The following CPNE5 variants were observed in gnomAD, a reference collection of about 807,000 sequenced individuals.
The protein encoded by CPNE5 is copine-5.
Under a neutral mutation model 81.1 loss-of-function variants are expected in CPNE5, and 42 were observed. The observed-to-expected ratio is 0.52, with a 90% CI of 0.40 to 0.67. CPNE5 has a LOEUF of 0.67. CPNE5 is among the 30% of genes least tolerant of loss of function. The probability of loss-of-function intolerance (pLI) is 0.00; values close to 1 mark genes in which losing one functional copy is unlikely to be tolerated. For synonymous variants in CPNE5, 313 were observed against 321.5 expected, an observed-to-expected ratio of 0.97 and a Z score of 0.28; for missense variants, 612 against 815.5, an observed-to-expected ratio of 0.75 and a Z score of 3.04.
intron 1 of CPNE5, among the ~76,000 whole-genome samples, chr6:36,835,349 C>T (rs989302772): frequency 6.6e-6 from 1 of 152,200 alleles, no homozygotes; most frequent in African/African-American, 2.4e-5. Context: ...GGATGGCTCA[C>T]ACAGTCAGGA....
intron 14 of CPNE5, 36 bp from the exon 15 acceptor site, chr6:36,748,303 G>A (rs368070867): frequency 2.6e-5 from 42 of 1,602,014 alleles, no homozygotes; most frequent in Non-Finnish European, 2.9e-5. Flanking sequence ...GTCACCTGGA[G>A]GGAGGCAGGG....
chr6:36,775,149 C>T, intron 9 of CPNE5, 84 bp from the exon 10 acceptor site: 2 of 975,070 alleles, frequency 2.1e-6, no homozygotes, highest in Admixed American at 3.8e-5. Context: ...TCAGCTGGTT[C>T]ACATCTCTGG....
intron 8 of CPNE5, among the ~76,000 whole-genome samples, chr6:36,786,260 G>A (rs1326328656): frequency 6.6e-6 from 1 of 152,118 alleles, no homozygotes; most frequent in Non-Finnish European, 1.5e-5. Context: ...TGGGCTCACG[G>A]GATAGGATGG....
intron 3 of CPNE5, among the ~76,000 whole-genome samples, chr6:36,818,089 C>G (rs563977877): frequency 6.6e-6 from 1 of 152,136 alleles, no homozygotes; most frequent in African/African-American, 2.4e-5. Context: ...GTCCTGCCCC[C>G]GTCTGTAGGA....
At chr6:36,837,541 C>T (rs924121213) in intron 1 of CPNE5, among the ~76,000 whole-genome samples, 2 of 152,298 alleles carry the variant, frequency 1.3e-5, no homozygotes, top group East Asian at 3.9e-4. Context: ...ACACCTGAGA[C>T]GTCTCAAGAG....
intron 3 of CPNE5, among the ~76,000 whole-genome samples, chr6:36,817,541 T>C (rs1344201244): frequency 6.6e-6 from 1 of 152,248 alleles, no homozygotes; most frequent in African/African-American, 2.4e-5. Flanking sequence ...ATGAACTCCC[T>C]GTATTGACTC....
intron 8 of CPNE5, 141 bp downstream of exon 8, chr6:36,791,892 T>G (rs1259855384): frequency 2.7e-6 from 2 of 737,840 alleles, no homozygotes; most frequent in Non-Finnish European, 4.8e-6. Flanking sequence ...CTAGCTCTGA[T>G]GTTGCAAAAT....
In CPNE5 at chr6:36,746,291, C is replaced by G; in HGVS notation, c.1200+105G>C. On this transcript the variant is annotated intron_variant, in intron 16 of 20. Coordinates refer to ENST00000244751, the MANE Select transcript of CPNE5 (RefSeq NM_020939.2). This position sits in a 1 kb window ranked among gnomAD's most constrained non-coding sequence, Gnocchi z 4.5. ...GCAGTCTACCTCCACTGAGGCTGAGCCTTAAGTCCCCGGGCTCAGAGGAAG... is the reference window on the plus strand; with the variant it reads ...GCAGTCTACCTCCACTGAGGCTGAGGCTTAAGTCCCCGGGCTCAGAGGAAG... 6.8e-7 allele frequency: 1 copy of G among 1,474,768 alleles called. No homozygotes were observed. Among genetic ancestry groups the G allele is most frequent in the Non-Finnish European group, 9.0e-7 (1 of 1,112,698 alleles). 91.4% of individuals were successfully genotyped at this position (1,474,768 alleles called of 1,614,324 possible). A position where few individuals can be genotyped will look rare whatever the true frequency, so the allele number is the denominator to read the frequency against.
rs141494086 is a variant in CPNE5, at chr6:36,756,743, G to C, written c.856-445C>G. 2.1e-3 allele frequency among the ~76,000 whole-genome samples: 324 copies of C among 152,198 alleles called. 2 individuals carry two copies. The highest frequency in any genetic ancestry group is 7.3e-3 in the African/African-American group (303 of 41,524). The stretch of plus-strand genomic sequence containing the variant: ...TCCTCCTTTGGGACCCAGCCCAAGG[G>C]CTGCCCAGGGCCTCTGAGGCTCCCC... On this transcript the variant is annotated intron_variant, in intron 12 of 20. Coordinates refer to ENST00000244751, the MANE Select transcript of CPNE5 (RefSeq NM_020939.2).
At chr6:36,803,382 A>G (rs557969008) in intron 3 of CPNE5, among the ~76,000 whole-genome samples, 35 of 151,844 alleles carry the variant, frequency 2.3e-4, no homozygotes, top group Non-Finnish European at 2.9e-5. Context: ...GGCTGCACTT[A>G]CTCTGCGGCC....
In CPNE5 at chr6:36,762,039, C is replaced by T. The variant is rs545083172; in HGVS notation, c.855+878G>A. Among the ~76,000 whole-genome samples the T allele has an allele frequency of 6.6e-5, 10 of 152,080 alleles. 1 individual carries two copies. In the East Asian group the frequency reaches 1.9e-3, roughly 29 times the overall value. ...GGCCAAGGCAGGAGGATCGCTTGAG[C>T]CCAGGAGCTCAAGACCAGCCTGGGA... is the stretch of plus-strand genomic sequence containing the variant. On this transcript the variant is annotated intron_variant, in intron 12 of 20. Coordinates refer to ENST00000244751, the MANE Select transcript of CPNE5 (RefSeq NM_020939.2).
chr6:36,792,444 C>G, intron 7 of CPNE5: 1 of 1,338,700 alleles, frequency 7.5e-7, no homozygotes, highest in Middle Eastern at 2.0e-4. Context: ...CCAAAGACCA[C>G]TTCTGTGGGC....
chr6:36,790,375 C>T (rs34901271), intron 8 of CPNE5, among the ~76,000 whole-genome samples: 2 of 151,996 alleles, frequency 1.3e-5, no homozygotes, highest in Admixed American at 6.5e-5. Flanking sequence ...CCGAGGGATC[C>T]GTGGGGTCAA....
intron 8 of CPNE5, among the ~76,000 whole-genome samples, chr6:36,784,506 G>A (rs1250626398): frequency 6.6e-6 from 1 of 152,220 alleles, no homozygotes; most frequent in Non-Finnish European, 1.5e-5. Flanking sequence ...ATATATGTGT[G>A]AACCCAAGAA....
At position 36,744,320 on chromosome 6, in the gene CPNE5, G is replaced by T; in HGVS notation, c.1437C>A (p.Ala479=). Residue 479 remains alanine, a synonymous_variant, in exon 19 of 21, where the codon GCC becomes GCA. Transcript: ENST00000244751. ...CGATAATGATGGACATGGGGAGCTTGGCAGCCTGGGAGACAGCATGGGGGG... is the reference window on the plus strand; with the variant it reads ...CGATAATGATGGACATGGGGAGCTTTGCAGCCTGGGAGACAGCATGGGGGG... The part of the protein sequence containing the change: ...AQTKEAIVNA[A]KLPMSIIIVG... 6.3e-7 allele frequency: 1 copy of T among 1,581,820 alleles called. No homozygotes were observed. Among genetic ancestry groups the T allele is most frequent in the South Asian group, 1.2e-5 (1 of 86,000 alleles).
At chr6:36,774,774 G>T (rs1345960537) in intron 10 of CPNE5, among the ~76,000 whole-genome samples, 187 bp downstream of exon 10, 2 of 152,202 alleles carry the variant, frequency 1.3e-5, no homozygotes, top group African/African-American at 4.8e-5. Context: ...GCCGGGTGCA[G>T]CAGGGAAAGA....
chr6:36,793,879 G>T (rs897603358), intron 7 of CPNE5, among the ~76,000 whole-genome samples: 1 of 152,294 alleles, frequency 6.6e-6, no homozygotes. Context: ...TCCAGGCAGA[G>T]GTTCCCTGCC....
At chr6:36,773,674 A>G (rs1767240897) in intron 10 of CPNE5, among the ~76,000 whole-genome samples, 2 of 152,170 alleles carry the variant, frequency 1.3e-5, no homozygotes, top group Admixed American at 1.3e-4. Flanking sequence ...AGACATTTTA[A>G]TACCCATTTT....
chr6:36,784,813 C>T (rs781181133), intron 8 of CPNE5, among the ~76,000 whole-genome samples: 14 of 151,828 alleles, frequency 9.2e-5, no homozygotes, highest in Non-Finnish European at 1.3e-4. Context: ...TGTGGTGGTG[C>T]GCACCTGTAG....
Sources: gnomAD v4.1 joint callset for allele counts (sites outside exome capture counted in the v4.1 genomes callset) on GRCh38, gnomAD v4.1.1 for gene constraint, Gnocchi (gnomAD v3.1) non-coding constraint, MANE v1.5 for transcripts, NCBI Gene and HGNC (gene_info 2026-07-23, HGNC 2026-07-21) for gene names.